Variants in ADARB2 observed in about 807,000 individuals in gnomAD.
The protein encoded by ADARB2 is adenosine deaminase RNA specific B2 (inactive).
A neutral mutation model predicts 62.2 loss-of-function variants in ADARB2; 25 were observed. The ratio of observed to expected loss-of-function variants is 0.40; its 90% CI spans 0.29 to 0.56. The LOEUF is 0.56. ADARB2 is among the 20% of genes least tolerant of loss of function. The pLI, the probability that ADARB2 is intolerant of heterozygous loss-of-function variation, is 0.43. For missense variants in ADARB2, 1,071 were observed against 1,077.4 expected (o/e 0.99, Z 0.08); for synonymous variants, 572 against 500.8 (o/e 1.14, Z -1.90).
At chr10:1,289,942 TA>T (rs747380590) in intron 3 of ADARB2, 2 of 152,204 alleles carry the variant, frequency 1.3e-5, no homozygotes, top group East Asian at 3.9e-4. Flanking sequence ...CATAGGCACA[TA>T]CACGGCATAC....
intron 3 of ADARB2, among the ~76,000 whole-genome samples, chr10:1,315,673 C>A (rs568624105): frequency 6.6e-6 from 1 of 152,342 alleles, no homozygotes; most frequent in East Asian, 1.9e-4. Context: ...GGCCCCTATG[C>A]AGGTGAAGAC....
intron 1 of ADARB2, among the ~76,000 whole-genome samples, chr10:1,463,424 G>A (rs1831203831): frequency 6.6e-6 from 1 of 152,204 alleles, no homozygotes; most frequent in South Asian, 2.1e-4. Flanking sequence ...TGATGCAGAT[G>A]CAGACACGGG....
Position 1,705,434 on chromosome 10 carries a change from G to A in ADARB2, c.100+31617C>T, listed in dbSNP as rs144666739. 3.9e-4 allele frequency among the ~76,000 whole-genome samples: 59 copies of A among 152,294 alleles called. No individual in the cohort carries two copies. In the East Asian group the frequency reaches 6.4e-3, roughly 16 times the overall value. The stretch of plus-strand genomic sequence containing the variant: ...TGGGTCACTTGATCACAGTGTCACC[G>A]GAGCCCCAGGGCAGCAGCAGGAGGA... On this transcript the variant is annotated intron_variant, in intron 1 of 9. Transcript: ENST00000381312.
At chr10:1,294,262 A>G (rs752907913) in intron 3 of ADARB2, among the ~76,000 whole-genome samples, 1 of 152,126 alleles carries the variant, frequency 6.6e-6, no homozygotes, top group Non-Finnish European at 1.5e-5. Context: ...GAGAAATTCC[A>G]TTTCTGATGC....
At chr10:1,504,801 A>G (rs534141878) in intron 1 of ADARB2, among the ~76,000 whole-genome samples, 1 of 152,314 alleles carries the variant, frequency 6.6e-6, no homozygotes, top group East Asian at 1.9e-4. Flanking sequence ...ATTAATATAC[A>G]AGGGGGTAGT....
intron 1 of ADARB2, among the ~76,000 whole-genome samples, chr10:1,581,414 T>C (rs1485770732): frequency 6.6e-6 from 1 of 152,218 alleles, no homozygotes; most frequent in Non-Finnish European, 1.5e-5. Flanking sequence ...GGCGGCCACG[T>C]GGCCTCTTCA....
intron 4 of ADARB2, among the ~76,000 whole-genome samples, chr10:1,269,022 T>C (rs967561588): frequency 3.9e-5 from 6 of 152,216 alleles, no homozygotes; most frequent in Non-Finnish European, 7.3e-5. Flanking sequence ...AAACTTACTT[T>C]CCAGGTCATA....
At chr10:1,265,435 C>A (rs1177722281) in intron 4 of ADARB2, among the ~76,000 whole-genome samples, 1 of 152,264 alleles carries the variant, frequency 6.6e-6, no homozygotes, top group African/African-American at 2.4e-5. Context: ...ACATTTGCTT[C>A]TCTTTTTCCA....
At chr10:1,661,988 C>A (rs917217970) in intron 1 of ADARB2, among the ~76,000 whole-genome samples, 3 of 152,270 alleles carry the variant, frequency 2.0e-5, no homozygotes, top group South Asian at 4.1e-4. Context: ...GACAGATGAA[C>A]CTGCACTGCA....
At chr10:1,370,966 AAAACCAAAAAC>A (rs1279501866) in intron 2 of ADARB2, among the ~76,000 whole-genome samples, 1 of 152,254 alleles carries the variant, frequency 6.6e-6, no homozygotes, top group East Asian at 1.9e-4. Flanking sequence ...AAGTTCATAT[AAAACCAAAAAC>A]AGACCCTGAA....
intron 7 of ADARB2, among the ~76,000 whole-genome samples, chr10:1,214,408 C>A (rs76211783): frequency 1.4e-3 from 95 of 66,726 alleles, no homozygotes; most frequent in South Asian, 2.6e-3. Flanking sequence ...GTGGGTTTGC[C>A]CCTGTGCCTG....
At chr10:1,424,747 CT>C (rs2131886813) in intron 1 of ADARB2, among the ~76,000 whole-genome samples, 1 of 152,266 alleles carries the variant, frequency 6.6e-6, no homozygotes, top group East Asian at 1.9e-4. Flanking sequence ...CACATCTGCT[CT>C]GCTGCGGAAA....
At chr10:1,436,103 G>T (rs539431747) in intron 1 of ADARB2, among the ~76,000 whole-genome samples, 2 of 152,254 alleles carry the variant, frequency 1.3e-5, no homozygotes, top group South Asian at 4.2e-4. Context: ...AATGGAAGTG[G>T]CTCTTGCGAG....
Position 1,426,413 on chromosome 10 carries a change from T to C in ADARB2, c.101-47253A>G, listed in dbSNP as rs1268210625. On this transcript the variant is annotated intron_variant, in intron 1 of 9. Transcript: ENST00000381312. The surrounding 1 kb of genome is among the most constrained non-coding windows in gnomAD (Gnocchi z 4.1). ...TAAATTTCATGTTCCCTTGTCATTG[T>C]TGCTGTAAAACCGAAGCCCTCTTCT... Among the ~76,000 whole-genome samples the C allele has an allele frequency of 6.6e-6, 1 of 152,186 alleles. No homozygotes were observed. Among genetic ancestry groups the C allele is most frequent in the Non-Finnish European group, 1.5e-5 (1 of 68,028 alleles).
At position 1,375,998 on chromosome 10, in the gene ADARB2, T is replaced by C. The variant is rs1024113247; in HGVS notation, c.187+3076A>G. ...GCACACACACGCACACACACGCACA[T>C]GACACATATACACGTGAACTCACAC... On this transcript the variant is annotated intron_variant, in intron 2 of 9. Coordinates refer to ENST00000381312, the MANE Select transcript of ADARB2 (RefSeq NM_018702.4). Among the ~76,000 whole-genome samples the C allele has an allele frequency of 3.3e-5, 5 of 149,770 alleles. No individual in the cohort carries two copies. The South Asian group carries it at 8.5e-4, about 25-fold the overall frequency.
intron 1 of ADARB2, among the ~76,000 whole-genome samples, chr10:1,467,977 T>G (rs75602760): frequency 0.09 from 13,746 of 152,260 alleles, 789 homozygotes; most frequent in East Asian, 0.3. Context: ...GTTCTTCCTA[T>G]AATTATAGTG....
At chr10:1,311,494 CGTT>C (rs748795615) in intron 3 of ADARB2, among the ~76,000 whole-genome samples, 5 of 152,138 alleles carry the variant, frequency 3.3e-5, no homozygotes, top group Non-Finnish European at 7.3e-5. Context: ...AGACACCTGA[CGTT>C]GTTGTTTAAT....
intron 1 of ADARB2, among the ~76,000 whole-genome samples, chr10:1,603,872 A>T (rs1368841591): frequency 1.3e-5 from 2 of 152,008 alleles, no homozygotes; most frequent in Non-Finnish European, 1.5e-5. Context: ...GTGTGATCTC[A>T]GCTCACTGCA....
At chr10:1,694,243 A>G (rs12269203) in intron 1 of ADARB2, among the ~76,000 whole-genome samples, 4,812 of 152,370 alleles carry the variant, frequency 0.032, 255 homozygotes, top group African/African-American at 0.11. Flanking sequence ...TTGATTAAGC[A>G]TCACATCTTG....
Sources: gnomAD v4.1 joint callset for allele counts (sites outside exome capture counted in the v4.1 genomes callset) on GRCh38, gnomAD v4.1.1 for gene constraint, Gnocchi (gnomAD v3.1) non-coding constraint, MANE v1.5 for transcripts, NCBI Gene and HGNC (gene_info 2026-07-23, HGNC 2026-07-21) for gene names.